Variants in MYCBP2 observed in about 807,000 individuals in gnomAD.
MYCBP2 encodes the protein MYC binding protein 2.
MYCBP2 carries 120 observed loss-of-function variants against 525.3 expected under a neutral mutation model. The ratio of observed to expected loss-of-function variants is 0.23; its 90% CI spans 0.20 to 0.27. The LOEUF (loss-of-function observed/expected upper bound fraction) is 0.27, where lower values mean the gene tolerates loss of function less well. Ranked by LOEUF, MYCBP2 falls within the 10% of genes least tolerant of loss-of-function variation. MYCBP2 has a pLI of 1.00. For synonymous variants in MYCBP2, 1,894 were observed against 1,955.8 expected (o/e 0.97, Z 0.83); for missense variants, 4,149 against 5,657.1 (o/e 0.73, Z 8.55).
At chr13:77,079,099 C>A (rs1327264243) in intron 65 of MYCBP2, among the ~76,000 whole-genome samples, 5 of 152,090 alleles carry the variant, frequency 3.3e-5, no homozygotes, top group Admixed American at 2.6e-4. Context: ...CACATTTCAG[C>A]CTCTCTCCAG....
intron 31 of MYCBP2, 142 bp downstream of exon 31, chr13:77,185,729 A>C: frequency 3.3e-6 from 2 of 608,308 alleles, no homozygotes; most frequent in Non-Finnish European, 5.5e-6. Context: ...CATAAGCATC[A>C]TAGCAAGCTG....
At chr13:77,201,029 T>G (rs1389622373) in intron 26 of MYCBP2, among the ~76,000 whole-genome samples, 5 of 151,472 alleles carry the variant, frequency 3.3e-5, no homozygotes, top group Non-Finnish European at 5.9e-5. Flanking sequence ...CAGGACCAAA[T>G]TCACACATAA....
intron 44 of MYCBP2, among the ~76,000 whole-genome samples, chr13:77,160,170 G>A (rs972320123): frequency 5.3e-5 from 8 of 151,286 alleles, no homozygotes; most frequent in Non-Finnish European, 1.0e-4. Context: ...GGGTTCAAGC[G>A]ATTCTCCTGC....
intron 10 of MYCBP2, 35 bp from the exon 11 acceptor site, chr13:77,262,164 C>T: frequency 6.5e-7 from 1 of 1,530,828 alleles, no homozygotes; most frequent in East Asian, 2.3e-5. Context: ...TATTGCATTT[C>T]TAATATGAAG....
At chr13:77,109,840 A>G (rs2048487203) in intron 55 of MYCBP2, 1 of 152,200 alleles carries the variant, frequency 6.6e-6, no homozygotes. Flanking sequence ...ACCTGTTTTT[A>G]CTGCAATCTC....
intron 55 of MYCBP2, 88 bp from the exon 56 acceptor site, chr13:77,099,101 A>G: frequency 6.6e-7 from 1 of 1,508,132 alleles, no homozygotes; most frequent in Non-Finnish European, 8.9e-7. Flanking sequence ...AAAAAAACAT[A>G]GCTACAAAAT....
At chr13:77,219,578 C>T (rs1347584830) in intron 20 of MYCBP2, among the ~76,000 whole-genome samples, 1 of 151,800 alleles carries the variant, frequency 6.6e-6, no homozygotes, top group East Asian at 1.9e-4. Context: ...AAGGAAAAGA[C>T]AGCTAGGTTT....
intron 39 of MYCBP2, among the ~76,000 whole-genome samples, 157 bp downstream of exon 39, chr13:77,169,457 A>G (rs1264146567): frequency 6.6e-6 from 1 of 152,036 alleles, no homozygotes; most frequent in Non-Finnish European, 1.5e-5. Context: ...CAATACTAAG[A>G]AGAGAGAAGT....
chr13:77,122,345 G>A (rs2050863688), intron 54 of MYCBP2, among the ~76,000 whole-genome samples: 2 of 151,942 alleles, frequency 1.3e-5, no homozygotes, highest in Admixed American at 1.3e-4. Context: ...AATATCTCAA[G>A]TATATTTTTA....
chr13:77,326,634 C>T lies in MYCBP2; in HGVS notation c.142G>A (p.Ala48Thr). 1.9e-6 allele frequency: 3 copies of T among 1,554,786 alleles called. No individual in the cohort carries two copies. The highest frequency in any genetic ancestry group is 2.6e-6 in the Non-Finnish European group (3 of 1,154,096). ...GGTAGCCCCAGCCCCAGCCCCGCAG[C>T]AGCCACGGAGCCGTCGGGAACCGGC... ...FMPVPDGSVA[A>T]AGLGLGLPAA... Residue 48 changes from alanine to threonine, a missense_variant, in exon 1 of 83, where the codon GCT (alanine) becomes ACT (threonine). By Grantham distance (58) the Ala-to-Thr change is moderately conservative. This residue lies in a region of MYCBP2 where 413 missense variants were observed against 451.2 expected (regional missense o/e 0.92). Transcript: ENST00000544440. The surrounding 1 kb of genome is among the most constrained non-coding windows in gnomAD (Gnocchi z 4.2).
intron 14 of MYCBP2, among the ~76,000 whole-genome samples, chr13:77,256,351 G>T (rs1259949819): frequency 1.3e-5 from 2 of 152,030 alleles, no homozygotes; most frequent in Non-Finnish European, 2.9e-5. Flanking sequence ...AGTCATCAAA[G>T]ATGCTAAGCC....
chr13:77,058,477 T>C lies in MYCBP2; in HGVS notation c.13141-71A>G. ...CACATTCTGGTAATTTTCCTTATTA[T>C]ATAAATTTCCAAAGATTACTTTCCC... is the stretch of plus-strand genomic sequence containing the variant. On this transcript the variant is annotated intron_variant, in intron 77 of 82. Coordinates refer to ENST00000544440, the MANE Select transcript of MYCBP2 (RefSeq NM_015057.5). The surrounding 1 kb of genome is among the most constrained non-coding windows in gnomAD (Gnocchi z 4.1). 7.5e-7 allele frequency: 1 copy of C among 1,326,966 alleles called. No individual in the cohort carries two copies. The highest frequency in any genetic ancestry group is 1.0e-6 in the Non-Finnish European group (1 of 997,628). The allele number at this position is 1,326,966 out of a possible 1,614,324, so 82.2% of individuals were successfully genotyped here.
chr13:77,246,684 C>A (rs12017346), intron 15 of MYCBP2, among the ~76,000 whole-genome samples: 3,100 of 148,246 alleles, frequency 0.021, 112 homozygotes, highest in African/African-American at 0.069. Flanking sequence ...AAAAAAAAAA[C>A]CCCTACAGAC....
chr13:77,056,104 G>C (rs2037943222), intron 79 of MYCBP2, among the ~76,000 whole-genome samples: 2 of 69,628 alleles, frequency 2.9e-5, no homozygotes, highest in Non-Finnish European at 6.4e-5. Context: ...TGTTTGGTGT[G>C]TGTGTGTGTG....
At chr13:77,292,951 T>C (rs1594722496) in intron 2 of MYCBP2, among the ~76,000 whole-genome samples, 2 of 108,786 alleles carry the variant, frequency 1.8e-5, no homozygotes, top group Admixed American at 1.3e-4. Flanking sequence ...AGAGCAAGAC[T>C]CCGTCTCAAA....
At chr13:77,171,877 T>C (rs1341185424) in intron 37 of MYCBP2, among the ~76,000 whole-genome samples, 9 of 152,172 alleles carry the variant, frequency 5.9e-5, no homozygotes, top group Non-Finnish European at 1.2e-4. Context: ...AACTCATATT[T>C]AACAAAGACC....
At chr13:77,198,618 A>G (rs1023768952) in intron 26 of MYCBP2, among the ~76,000 whole-genome samples, 3 of 152,240 alleles carry the variant, frequency 2.0e-5, no homozygotes, top group African/African-American at 7.2e-5. Flanking sequence ...GTGAATATTC[A>G]AAGAATGAAC....
intron 52 of MYCBP2, among the ~76,000 whole-genome samples, chr13:77,127,999 T>C (rs1480862688): frequency 6.6e-6 from 1 of 151,918 alleles, no homozygotes; most frequent in Non-Finnish European, 1.5e-5. Context: ...TGGTTACATA[T>C]TGGAAATTTA....
At chr13:77,241,715 C>T (rs141785865) in intron 17 of MYCBP2, among the ~76,000 whole-genome samples, 12 of 152,220 alleles carry the variant, frequency 7.9e-5, no homozygotes, top group East Asian at 3.9e-4. Flanking sequence ...ATCAACATCA[C>T]TTATCAGATG....
Sources: gnomAD v4.1 joint callset for allele counts (sites outside exome capture counted in the v4.1 genomes callset) on GRCh38, gnomAD v4.1.1 for gene constraint, gnomAD v4.1.1 regional missense constraint, Gnocchi (gnomAD v3.1) non-coding constraint, MANE v1.5 for transcripts, NCBI Gene and HGNC (gene_info 2026-07-23, HGNC 2026-07-21) for gene names.